Variants in CCDC88A observed in about 807,000 individuals in gnomAD.
CCDC88A encodes coiled-coil and HOOK domain protein 88A, also known as girdin.
CCDC88A carries 54 observed loss-of-function variants against 234.3 expected under a neutral mutation model. The ratio of observed to expected loss-of-function variants is 0.23; its 90% confidence interval spans 0.19 to 0.29. CCDC88A has a LOEUF of 0.29. Ranked by LOEUF, CCDC88A falls within the 10% of genes least tolerant of loss-of-function variation. CCDC88A has a pLI of 1.00. For missense variants in CCDC88A, 1,832 were observed against 2,123.4 expected (o/e 0.86, Z 2.70); for synonymous variants, 753 against 737.8 (o/e 1.02, Z -0.33).
Position 55,299,835 on chromosome 2 carries a change from A to G in CCDC88A, c.4825+4T>C. The G allele has an allele frequency of 6.3e-7, 1 of 1,596,478 alleles. No homozygotes were observed. Among genetic ancestry groups the G allele is most frequent in the Non-Finnish European group, 8.6e-7 (1 of 1,164,226 alleles). On this transcript the variant is annotated splice_donor_region_variant and intron_variant, in intron 29 of 32. Coordinates refer to ENST00000436346, the MANE Select transcript of CCDC88A (RefSeq NM_001365480.1). ...GCGCATTAATAAATTTACCTACAGCATACCTTTGACTTCATGTAGTGAAGC... is the reference window on the plus strand; with the variant it reads ...GCGCATTAATAAATTTACCTACAGCGTACCTTTGACTTCATGTAGTGAAGC...
intron 3 of CCDC88A, among the ~76,000 whole-genome samples, chr2:55,378,738 CTTTTTTTTTTT>C (rs79242911): frequency 1.4e-5 from 2 of 142,888 alleles, no homozygotes; most frequent in African/African-American, 5.4e-5. Context: ...TACACATATA[CTTTTTTTTTTT>C]TTTTTTTTTT....
intron 3 of CCDC88A, among the ~76,000 whole-genome samples, chr2:55,381,194 A>G (rs1674529971): frequency 6.6e-6 from 1 of 152,190 alleles, no homozygotes; most frequent in Non-Finnish European, 1.5e-5. Flanking sequence ...AGACTATATC[A>G]TCTACATTTG....
At chr2:55,366,830 A>G (rs544805529) in intron 5 of CCDC88A, among the ~76,000 whole-genome samples, 152 of 152,336 alleles carry the variant, frequency 1.0e-3, no homozygotes, top group South Asian at 3.5e-3. Context: ...CTATTGAACA[A>G]GAAAATAATA....
chr2:55,401,680 T>G (rs890038895), intron 2 of CCDC88A, among the ~76,000 whole-genome samples: 3 of 151,432 alleles, frequency 2.0e-5, no homozygotes, highest in African/African-American at 7.3e-5. Flanking sequence ...AACTTCACAT[T>G]GACTGAACAG....
rs1685304333 is a variant in CCDC88A, at chr2:55,334,934, T to C, written c.1887A>G (p.Glu629=). Residue 629 remains glutamate (E), a synonymous_variant, in exon 15 of 33, where the codon GAA becomes GAG. Transcript: ENST00000436346. This position sits in a 1 kb window ranked among gnomAD's most constrained non-coding sequence, Gnocchi z 6.1. ...HYKEKGERAE[E]LENELHHLEK... ...CAAGATGATGCAATTCATTTTCAAG[T>C]TCTTCAGCTCGTTCTCCTTTTTCTT... 6.5e-7 allele frequency: 1 copy of C among 1,539,750 alleles called. No individual in the cohort carries two copies. Among genetic ancestry groups the C allele is most frequent in the African/African-American group, 1.4e-5 (1 of 72,104 alleles).
In CCDC88A at chr2:55,317,986, G is replaced by C; in HGVS notation, c.3325-145C>G. ...TTATACTGGGAAGACGTGGATTTTA[G>C]CTTCCCAAAGAATAAGGCTATCATT... On this transcript the variant is annotated intron_variant, in intron 19 of 32. Coordinates refer to ENST00000436346, the MANE Select transcript of CCDC88A (RefSeq NM_001365480.1). The surrounding 1 kb of genome is among the most constrained non-coding windows in gnomAD (Gnocchi z 4.2). The C allele has an allele frequency of 1.7e-6, 1 of 588,752 alleles. No homozygotes were observed. Among genetic ancestry groups the C allele is most frequent in the Non-Finnish European group, 2.9e-6 (1 of 350,098 alleles). 36.5% of individuals were successfully genotyped at this position (588,752 alleles called of 1,614,324 possible).
chr2:55,407,610 A>G (rs867886707), intron 2 of CCDC88A, among the ~76,000 whole-genome samples: 2 of 151,958 alleles, frequency 1.3e-5, no homozygotes, highest in African/African-American at 2.4e-5. Flanking sequence ...GTCTCAAACA[A>G]TAAGTAAATA....
intron 2 of CCDC88A, among the ~76,000 whole-genome samples, chr2:55,415,564 A>G (rs1032642588): frequency 2.0e-5 from 3 of 152,138 alleles, no homozygotes; most frequent in South Asian, 4.1e-4. Flanking sequence ...GCAGAGCACA[A>G]TGGTCTGAGC....
intron 31 of CCDC88A, chr2:55,292,579 T>C (rs1453773331): frequency 6.6e-6 from 1 of 152,196 alleles, no homozygotes; most frequent in Admixed American, 6.5e-5. Context: ...TGAAAAAACG[T>C]TGATAAGAAC....
At chr2:55,300,362 C>T (rs1380728261) in intron 28 of CCDC88A, 1 of 159,402 alleles carries the variant, frequency 6.3e-6, no homozygotes, top group African/African-American at 2.4e-5. Context: ...AGGGTAACAA[C>T]TGTATAATTA....
At chr2:55,314,474 G>A (rs1332883622) in intron 22 of CCDC88A, 1 of 152,308 alleles carries the variant, frequency 6.6e-6, no homozygotes, top group East Asian at 1.9e-4. Flanking sequence ...GTGCGATCTC[G>A]GCTCACTGCA....
Position 55,336,677 on chromosome 2 carries a change from G to T in CCDC88A, c.1656+4C>A. ...ATTGTTTACTTAGTAAAAAATGTAT[G>T]AACCTGTCTCTCTGAATTTTCTCTC... is the stretch of plus-strand genomic sequence containing the variant. On this transcript the variant is annotated splice_donor_region_variant and intron_variant, in intron 14 of 32. Coordinates refer to ENST00000436346, the MANE Select transcript of CCDC88A (RefSeq NM_001365480.1). The T allele has an allele frequency of 6.5e-7, 1 of 1,548,014 alleles. No individual in the cohort carries two copies. The highest frequency in any genetic ancestry group is 1.3e-5 in the South Asian group (1 of 78,960).
chr2:55,385,490 A>T lies in CCDC88A; in HGVS notation c.273+3288T>A, dbSNP rs144043552. Among the ~76,000 whole-genome samples the T allele has an allele frequency of 3.2e-3, 485 of 152,310 alleles. 3 individuals are homozygous for T. Among genetic ancestry groups the T allele is most frequent in the African/African-American group, 0.011 (450 of 41,584 alleles). Reference sequence around the variant, plus strand: ...AAGAAAGTCTAACATATATCAATAAAAATATTTGAAAGATACCAGATTAGA... The same window carrying T: ...AAGAAAGTCTAACATATATCAATAATAATATTTGAAAGATACCAGATTAGA... On this transcript the variant is annotated intron_variant, in intron 3 of 32. Transcript: ENST00000436346.
intron 26 of CCDC88A, 30 bp downstream of exon 26, chr2:55,303,039 G>A (rs763822330): frequency 1.5e-5 from 21 of 1,372,618 alleles, no homozygotes; most frequent in African/African-American, 2.9e-5. Flanking sequence ...GTAGTCAGTT[G>A]AAAGAAGCTG....
chr2:55,414,834 G>A (rs1337890474), intron 2 of CCDC88A, among the ~76,000 whole-genome samples: 4 of 152,096 alleles, frequency 2.6e-5, no homozygotes, highest in East Asian at 1.9e-4. Flanking sequence ...GGGAGGCTGA[G>A]GCAGGCGGAT....
rs775728138 is a variant in CCDC88A, at chr2:55,339,448, C to A, written c.1518+16G>T. 3 of 1,481,042 alleles carry A rather than the reference C, an allele frequency of 2.0e-6. No homozygotes were observed. The highest frequency in any genetic ancestry group is 2.1e-5 in the Admixed American group (1 of 46,728). 91.7% of individuals were successfully genotyped at this position (1,481,042 alleles called of 1,614,324 possible). A position where few individuals can be genotyped will look rare whatever the true frequency, so the allele number is the denominator to read the frequency against. On this transcript the variant is annotated intron_variant, in intron 13 of 32. Transcript: ENST00000436346. ...AGTTTTTTTAACATTAAAATAAACA[C>A]TACATTTTAATTTACCTTTTTACTG...
chr2:55,415,157 T>C (rs1405221598), intron 2 of CCDC88A, among the ~76,000 whole-genome samples: 1 of 150,456 alleles, frequency 6.6e-6, no homozygotes, highest in Non-Finnish European at 1.5e-5. Context: ...TAATTAAAAG[T>C]ATATAAACAG....
In CCDC88A at chr2:55,317,960, A is replaced by G. The variant is rs1161153030; in HGVS notation, c.3325-119T>C. On this transcript the variant is annotated intron_variant, in intron 19 of 32. Coordinates refer to ENST00000436346, the MANE Select transcript of CCDC88A (RefSeq NM_001365480.1). This position sits in a 1 kb window ranked among gnomAD's most constrained non-coding sequence, Gnocchi z 4.2. ...AATGAATCACAGCACACATATTTAC[A>G]TTATACTGGGAAGACGTGGATTTTA... 7.0e-6 allele frequency: 5 copies of G among 719,274 alleles called. No homozygotes were observed. The African/African-American group carries it at 8.9e-5, about 13-fold the overall frequency. 44.6% of individuals were successfully genotyped at this position (719,274 alleles called of 1,614,324 possible).
chr2:55,407,032 G>A (rs1679709657), intron 2 of CCDC88A, among the ~76,000 whole-genome samples: 1 of 152,032 alleles, frequency 6.6e-6, no homozygotes, highest in Non-Finnish European at 1.5e-5. Context: ...GGGAAACAAA[G>A]TAAGACCCCA....
Sources: allele counts gnomAD v4.1 joint callset (sites outside exome capture counted in the v4.1 genomes callset), GRCh38; gene constraint gnomAD v4.1.1; non-coding constraint Gnocchi (gnomAD v3.1); transcripts MANE v1.5; gene names NCBI Gene and HGNC (gene_info 2026-07-23, HGNC 2026-07-21).